The following CAPNS1 variants were observed in gnomAD, a reference collection of about 807,000 sequenced individuals.
CAPNS1 encodes the protein CANP small subunit.
A neutral mutation model predicts 39.2 loss-of-function variants in CAPNS1; 32 were observed. The ratio of observed to expected loss-of-function variants is 0.82; its 90% CI spans 0.62 to 1.10. The LOEUF is 1.10. Ranked by LOEUF, CAPNS1 falls within the 50% of genes least tolerant of loss-of-function variation. The pLI is 0.00. For synonymous variants in CAPNS1, 153 were observed against 136.2 expected (o/e 1.12, Z -0.86); for missense variants, 353 against 373.1 (o/e 0.95, Z 0.44).
At chr19:36,148,975 T>C (rs1394511674) in intron 9 of CAPNS1, among the ~76,000 whole-genome samples, 2 of 152,186 alleles carry the variant, frequency 1.3e-5, no homozygotes, top group Non-Finnish European at 2.9e-5. Context: ...GGGACCTACC[T>C]GTAAGACTCT....
chr19:36,146,624 G>C (rs527839413), intron 9 of CAPNS1, among the ~76,000 whole-genome samples: 54 of 152,288 alleles, frequency 3.5e-4, no homozygotes, highest in African/African-American at 1.3e-3. Context: ...TGCTCAGATT[G>C]TGCTTGGGGA....
chr19:36,146,916 G>A (rs1428066143), intron 9 of CAPNS1, among the ~76,000 whole-genome samples: 1 of 152,178 alleles, frequency 6.6e-6, no homozygotes, highest in Admixed American at 6.5e-5. Flanking sequence ...CATGATCATG[G>A]CTGACTGCAG....
At chr19:36,142,220 G>T (rs1260857959) in intron 2 of CAPNS1, 80 bp from the exon 3 acceptor site, 2 of 855,108 alleles carry the variant, frequency 2.3e-6, no homozygotes, top group South Asian at 1.3e-5. Context: ...GGTCTGGAGC[G>T]TTGGGGCTGA....
chr19:36,141,599 G>A, intron 2 of CAPNS1: 1 of 1,067,702 alleles, frequency 9.4e-7, no homozygotes, highest in Non-Finnish European at 1.1e-6. Context: ...ACATTTTACG[G>A]AAGGGGCTTG....
At chr19:36,143,696 C>T (rs1467910088) in intron 6 of CAPNS1, among the ~76,000 whole-genome samples, 1 of 117,282 alleles carries the variant, frequency 8.5e-6, no homozygotes, top group Non-Finnish European at 1.8e-5. Context: ...CCTGTCTCTA[C>T]CAAAAAAAAA....
intron 9 of CAPNS1, among the ~76,000 whole-genome samples, chr19:36,147,759 C>T (rs761036905): frequency 5.5e-5 from 8 of 146,184 alleles, no homozygotes; most frequent in South Asian, 2.2e-4. Flanking sequence ...ATCGAGACTC[C>T]GTCTTAAAAA....
chr19:36,142,095 G>A (rs1353345584), intron 2 of CAPNS1, among the ~76,000 whole-genome samples: 1 of 152,178 alleles, frequency 6.6e-6, no homozygotes, highest in Non-Finnish European at 1.5e-5. Context: ...CCTCGAGGGT[G>A]GGGTTGGCCT....
chr19:36,146,403 A>T (rs1974570174), intron 9 of CAPNS1, 91 bp downstream of exon 9: 1 of 813,100 alleles, frequency 1.2e-6, no homozygotes. Context: ...GAGGTGGGCG[A>T]TGCTAGGGGC....
intron 2 of CAPNS1, 50 bp from the exon 3 acceptor site, chr19:36,142,250 G>A (rs1049864616): frequency 1.1e-5 from 14 of 1,323,392 alleles, no homozygotes; most frequent in Admixed American, 1.7e-5. Flanking sequence ...AGTGCTGCCC[G>A]TTGGAGGCCC....
Position 36,141,055 on chromosome 19 carries a change from GC to G in CAPNS1, c.45del (p.Gly17GlufsTer16). 1 of 1,528,496 alleles carries G rather than the reference GC, an allele frequency of 6.5e-7. No homozygotes were observed. Among genetic ancestry groups the G allele is most frequent in the Non-Finnish European group, 8.8e-7 (1 of 1,134,850 alleles). 94.7% of individuals were successfully genotyped at this position (1,528,496 alleles called of 1,614,324 possible). The stretch of plus-strand genomic sequence containing the variant: ...TTCTTGAAGGGCGGCGGCGGCGGCG[GC>G]GGGGGAGGCGGGGGCCTGGGTGGGG... ...NSFLKGGGGG[G>X]GGGGGLGGGL... On this transcript the variant is annotated frameshift_variant, in exon 2 of 11. Coordinates refer to ENST00000246533, the MANE Select transcript of CAPNS1 (RefSeq NM_001749.4). LOFTEE classifies it high-confidence loss of function.
At chr19:36,143,637 G>T (rs1974457103) in intron 6 of CAPNS1, among the ~76,000 whole-genome samples, 1 of 151,110 alleles carries the variant, frequency 6.6e-6, no homozygotes, top group Non-Finnish European at 1.5e-5. Flanking sequence ...CGAGGCGGGC[G>T]GATCACGAGA....
intron 7 of CAPNS1, 31 bp downstream of exon 7, chr19:36,145,905 C>T: frequency 6.2e-7 from 1 of 1,612,906 alleles, no homozygotes; most frequent in African/African-American, 1.3e-5. Flanking sequence ...TCCCTGGCAC[C>T]CAGACCCCCA....
chr19:36,141,043 G>C lies in CAPNS1; in HGVS notation c.32G>C (p.Gly11Ala). The change falls in exon 2 of 11, where the codon GGC (glycine) becomes GCC (alanine). Residue 11 changes from glycine to alanine, a missense_variant. Physicochemically the swap from Gly to Ala is moderately conservative, Grantham distance 60. Coordinates refer to ENST00000246533, the MANE Select transcript of CAPNS1 (RefSeq NM_001749.4). MFLVNSFLKG[G>A]GGGGGGGGGL... ...CTGGTTAACTCGTTCTTGAAGGGCG[G>C]CGGCGGCGGCGGCGGGGGAGGCGGG... The C allele has an allele frequency of 6.4e-7, 1 of 1,562,978 alleles. No individual in the cohort carries two copies. The highest frequency in any genetic ancestry group is 1.8e-5 in the Admixed American group (1 of 56,552).
chr19:36,141,490 T>G, intron 2 of CAPNS1: 1 of 1,243,456 alleles, frequency 8.0e-7, no homozygotes. Flanking sequence ...AGGGGACTGA[T>G]GTGGAGTTTT....
At position 36,142,642 on chromosome 19, in the gene CAPNS1, C is replaced by T. The variant is rs1406210328; in HGVS notation, c.244-10C>T. ...CCCTCCCCCTGCTCTGAGCTCTCCT[C>T]CCTTTGCAGCCCCCACGCACACATT... On this transcript the variant is annotated splice_polypyrimidine_tract_variant and intron_variant, in intron 3 of 10. Coordinates refer to ENST00000246533, the MANE Select transcript of CAPNS1 (RefSeq NM_001749.4). 1 of 1,613,514 alleles carries T rather than the reference C, an allele frequency of 6.2e-7. No homozygotes were observed. Among genetic ancestry groups the T allele is most frequent in the Non-Finnish European group, 8.5e-7 (1 of 1,179,456 alleles).
intron 8 of CAPNS1, 56 bp downstream of exon 8, chr19:36,146,110 A>G: frequency 6.3e-7 from 1 of 1,594,788 alleles, no homozygotes; most frequent in Non-Finnish European, 8.6e-7. Flanking sequence ...GAAAACCTCT[A>G]CTCAGCTGGT....
At chr19:36,143,272 G>A in intron 6 of CAPNS1, 144 bp downstream of exon 6, 1 of 765,402 alleles carries the variant, frequency 1.3e-6, no homozygotes, top group Non-Finnish European at 2.3e-6. Flanking sequence ...ACATGTGGCG[G>A]TAAATCATAA....
At chr19:36,140,638 C>G (rs1047594153) in intron 1 of CAPNS1, 10 of 236,736 alleles carry the variant, frequency 4.2e-5, no homozygotes, top group African/African-American at 2.1e-4. Flanking sequence ...TGCCAAGGAC[C>G]TCTACATTCA....
At chr19:36,144,471 A>C (rs1192596352) in intron 6 of CAPNS1, among the ~76,000 whole-genome samples, 1 of 152,264 alleles carries the variant, frequency 6.6e-6, no homozygotes, top group Non-Finnish European at 1.5e-5. Flanking sequence ...GGCAGTGTGC[A>C]CAGGGACACA....
Sources: gnomAD v4.1 joint callset for allele counts (sites outside exome capture counted in the v4.1 genomes callset) on GRCh38, gnomAD v4.1.1 for gene constraint, MANE v1.5 for transcripts, NCBI Gene and HGNC (gene_info 2026-07-23, HGNC 2026-07-21) for gene names.